Variants in HAPLN3 observed in about 807,000 individuals in gnomAD.
HAPLN3 encodes hyaluronan and proteoglycan link protein 3.
In HAPLN3, 28 loss-of-function variants were observed where a neutral mutation model predicts 28.1. The observed-to-expected ratio is 1.00, with a 90% confidence interval of 0.74 to 1.37. HAPLN3 has a LOEUF of 1.37. Ranked by LOEUF, HAPLN3 falls within the 40% of genes most tolerant of loss-of-function variation. HAPLN3 has a pLI of 0.00. For missense variants in HAPLN3, 513 were observed against 504.6 expected (o/e 1.02, Z -0.16); for synonymous variants, 211 against 213.1 (o/e 0.99, Z 0.09).
Position 88,887,177 on chromosome 15 carries a change from T to G in HAPLN3, c.122A>C (p.Lys41Thr). The change falls in exon 2 of 5, where the codon AAA (lysine) becomes ACA (threonine). Residue 41 changes from lysine (K) to threonine (T), a missense_variant and splice_region_variant. By Grantham distance (78) the Lys-to-Thr change is moderately conservative (BLOSUM62 -1). Coordinates refer to ENST00000359595, the MANE Select transcript of HAPLN3 (RefSeq NM_178232.4). The part of the protein sequence containing the change: ...NDQNLGNGHG[K>T]DLLNGVKLVV... The stretch of plus-strand genomic sequence containing the variant: ...GCCGGGTGCAGGAGGTCGCCTACCT[T>G]TGCCATGACCGTTGCCTAGGTTCTG... The G allele has an allele frequency of 6.2e-7, 1 of 1,614,086 alleles. No homozygotes were observed. Among genetic ancestry groups the G allele is most frequent in the African/African-American group, 1.3e-5 (1 of 75,022 alleles).
At position 88,880,339 on chromosome 15, in the gene HAPLN3, G is replaced by T. The variant is rs1222718595; in HGVS notation, c.493+1018C>A. On this transcript the variant is annotated intron_variant, in intron 3 of 4. Transcript: ENST00000359595. This position sits in a 1 kb window ranked among gnomAD's most constrained non-coding sequence, Gnocchi z 6.0. ...AGAATGAGGAATGCGGCCCCTCTGA[G>T]CCACCATGTAAGCCATGTGGACACT... 9.2e-7 allele frequency: 1 copy of T among 1,086,606 alleles called. No individual in the cohort carries two copies. Among genetic ancestry groups the T allele is most frequent in the African/African-American group, 1.7e-5 (1 of 59,130 alleles). The allele number at this position is 1,086,606 out of a possible 1,614,324, so 67.3% of individuals were successfully genotyped here.
rs115633026 is a variant in HAPLN3 at position 88,892,192 on chromosome 15, T to C, written c.-48+3267A>G. Among the ~76,000 whole-genome samples the C allele has an allele frequency of 8.4e-3, 1,281 of 152,246 alleles. 16 individuals are homozygous for C. Among genetic ancestry groups the C allele is most frequent in the African/African-American group, 0.028 (1,163 of 41,530 alleles). On this transcript the variant is annotated intron_variant, in intron 1 of 4. Transcript: ENST00000359595. The stretch of plus-strand genomic sequence containing the variant: ...AAAGGAATTAGCTGGGCACAGTGGC[T>C]TACACCTGTTATCCCAGCACTTTGG...
chr15:88,894,330 G>A (rs1402458521), intron 1 of HAPLN3, among the ~76,000 whole-genome samples: 1 of 152,110 alleles, frequency 6.6e-6, no homozygotes, highest in East Asian at 1.9e-4. Flanking sequence ...CCAGCCTAGG[G>A]ACCCCTCCAC....
In HAPLN3 at chr15:88,888,087, G is replaced by A. The variant is rs72749908; in HGVS notation, c.-47-742C>T. 0.093 allele frequency among the ~76,000 whole-genome samples: 14,140 copies of A among 151,322 alleles called. 837 individuals are homozygous for A. The highest frequency in any genetic ancestry group is 0.19 in the Middle Eastern group (55 of 294). On this transcript the variant is annotated intron_variant, in intron 1 of 4. Transcript: ENST00000359595. This position sits in a 1 kb window ranked among gnomAD's most constrained non-coding sequence, Gnocchi z 4.1. ...TAGAGGGTATGTTAAGTAAAGATGA[G>A]TCCTGCATTGTGAACCCTTTTTTTT...
Position 88,881,446 on chromosome 15 carries a change from T to A in HAPLN3, c.404A>T (p.Asp135Val), listed in dbSNP as rs535199277. The A allele has an allele frequency of 3.1e-6, 5 of 1,614,052 alleles. No individual in the cohort carries two copies. The South Asian group carries it at 4.4e-5, about 14-fold the overall frequency. ...KEHDVSLEIQ[D>V]LRLEDYGRYR... ...ACGCCCATAGTCCTCCAGCCGCAGA[T>A]CCTGGATCTCCAGCGAGACGTCATG... The change falls in exon 3 of 5, where the codon GAT becomes GTT. Residue 135 changes from aspartate to valine, a missense_variant. Transcript: ENST00000359595. The surrounding 1 kb of genome is among the most constrained non-coding windows in gnomAD (Gnocchi z 6.0).
intron 1 of HAPLN3, among the ~76,000 whole-genome samples, chr15:88,894,275 A>C (rs1898096157): frequency 6.6e-6 from 1 of 152,200 alleles, no homozygotes; most frequent in Admixed American, 6.5e-5. Flanking sequence ...ACTTAGAGAA[A>C]GTTCAGGTTT....
Position 88,879,252 on chromosome 15 carries a change from G to A in HAPLN3, c.511C>T (p.Gln171Ter), listed in dbSNP as rs768961398. ...LELRGVVFPY[Q>*]SPNGRYQFNF... Reference sequence around the variant, plus strand: ...AACTGGTAGCGCCCGTTGGGGGACTGGTAAGGAAAGACCACACCTGCAGGG... The same window carrying A: ...AACTGGTAGCGCCCGTTGGGGGACTAGTAAGGAAAGACCACACCTGCAGGG... The change falls in exon 4 of 5, where the codon CAG becomes TAG. Residue 171 changes from glutamine (Q) to a stop codon, truncating the protein, a stop_gained. Transcript: ENST00000359595. LOFTEE classifies it high-confidence loss of function. The surrounding 1 kb of genome is among the most constrained non-coding windows in gnomAD (Gnocchi z 5.0). The A allele has an allele frequency of 1.9e-6, 3 of 1,607,490 alleles. No individual in the cohort carries two copies. The highest frequency in any genetic ancestry group is 1.1e-5 in the South Asian group (1 of 90,314).
intron 1 of HAPLN3, among the ~76,000 whole-genome samples, chr15:88,894,288 T>C (rs558531208): frequency 6.6e-6 from 1 of 152,334 alleles, no homozygotes; most frequent in East Asian, 1.9e-4. Flanking sequence ...TCAGGTTTCC[T>C]GATGACCAGC....
chr15:88,879,587 A>G lies in HAPLN3; in HGVS notation c.494-318T>C. 7.5e-7 allele frequency: 1 copy of G among 1,338,848 alleles called. No homozygotes were observed. Among genetic ancestry groups the G allele is most frequent in the Non-Finnish European group, 9.8e-7 (1 of 1,021,532 alleles). The allele number at this position is 1,338,848 out of a possible 1,614,324, so 82.9% of individuals were successfully genotyped here. A position where few individuals can be genotyped will look rare whatever the true frequency, so the allele number is the denominator to read the frequency against. On this transcript the variant is annotated intron_variant, in intron 3 of 4. Transcript: ENST00000359595. This position sits in a 1 kb window ranked among gnomAD's most constrained non-coding sequence, Gnocchi z 5.0. ...CCAGTGAGGCTGTGCCATCTTCTCC[A>G]GACAGGCCCGGGCTTTGGGCTCTAG...
rs544070539 is a variant in HAPLN3 at position 88,882,825 on chromosome 15, G to A, written c.125-1100C>T. Among the ~76,000 whole-genome samples the A allele has an allele frequency of 3.3e-5, 5 of 152,222 alleles. No homozygotes were observed. The South Asian group carries it at 1.0e-3, about 32-fold the overall frequency. ...TTGAGACCAGCCTGGGCAATAAAGT[G>A]AGACCCTGTCTCTACAAAAAAATTT... On this transcript the variant is annotated intron_variant, in intron 2 of 4. Transcript: ENST00000359595.
In HAPLN3 at chr15:88,881,839, C is replaced by T; in HGVS notation, c.125-114G>A. 1 of 986,178 alleles carries T rather than the reference C, an allele frequency of 1.0e-6. No homozygotes were observed. The highest frequency in any genetic ancestry group is 1.6e-5 in the South Asian group (1 of 61,224). 61.1% of individuals were successfully genotyped at this position (986,178 alleles called of 1,614,324 possible). A position where few individuals can be genotyped will look rare whatever the true frequency, so the allele number is the denominator to read the frequency against. On this transcript the variant is annotated intron_variant, in intron 2 of 4. Transcript: ENST00000359595. The surrounding 1 kb of genome is among the most constrained non-coding windows in gnomAD (Gnocchi z 6.0). ...TACAGGCTCAGATTGCAAAAATGGC[C>T]ACCATGCTCCACCCCTCCCTGTATC... is the stretch of plus-strand genomic sequence containing the variant.
At chr15:88,890,687 T>G (rs1242837161) in intron 1 of HAPLN3, among the ~76,000 whole-genome samples, 1 of 152,106 alleles carries the variant, frequency 6.6e-6, no homozygotes, top group Admixed American at 6.6e-5. Flanking sequence ...GTCTGGCAGT[T>G]AAAACAATTA....
intron 2 of HAPLN3, among the ~76,000 whole-genome samples, chr15:88,883,560 CCAA>C (rs1189951831): frequency 2.6e-5 from 4 of 152,170 alleles, no homozygotes; most frequent in African/African-American, 9.7e-5. Flanking sequence ...TTGGTTCTTC[CCAA>C]CTCTCTTAAG....
chr15:88,890,317 C>T (rs1012988893), intron 1 of HAPLN3, among the ~76,000 whole-genome samples: 5 of 152,180 alleles, frequency 3.3e-5, no homozygotes, highest in African/African-American at 9.6e-5. Context: ...AAGAGGAATT[C>T]ATTCCCCTGT....
chr15:88,880,978 C>T lies in HAPLN3; in HGVS notation c.493+379G>A, dbSNP rs1482507419. 6.6e-6 allele frequency among the ~76,000 whole-genome samples: 1 copy of T among 152,110 alleles called. No homozygotes were observed. Among genetic ancestry groups the T allele is most frequent in the Non-Finnish European group, 1.5e-5 (1 of 68,026 alleles). ...TCGTCTCACAGTGGGCTGCCTCATT[C>T]GCTTGTGTTACCCGCTAACCTTGCT... On this transcript the variant is annotated intron_variant, in intron 3 of 4. Transcript: ENST00000359595. The surrounding 1 kb of genome is among the most constrained non-coding windows in gnomAD (Gnocchi z 6.0).
At chr15:88,890,305 C>G (rs1897978392) in intron 1 of HAPLN3, among the ~76,000 whole-genome samples, 1 of 152,182 alleles carries the variant, frequency 6.6e-6, no homozygotes, top group African/African-American at 2.4e-5. Context: ...CACTTCTTGT[C>G]CAAGAGGAAT....
At chr15:88,878,607 T>C (rs1836254998) in intron 4 of HAPLN3, among the ~76,000 whole-genome samples, 1 of 152,226 alleles carries the variant, frequency 6.6e-6, no homozygotes, top group African/African-American at 2.4e-5. Context: ...CATATGACAC[T>C]GAACCAGTTT....
intron 2 of HAPLN3, among the ~76,000 whole-genome samples, chr15:88,882,080 G>A (rs1246544708): frequency 6.6e-6 from 1 of 152,162 alleles, no homozygotes; most frequent in African/African-American, 2.4e-5. Context: ...ATGAGCACAT[G>A]GCCAGGCTTG....
chr15:88,877,997 G>T lies in HAPLN3; in HGVS notation c.1056C>A (p.Tyr352Ter). The T allele has an allele frequency of 6.2e-7, 1 of 1,612,710 alleles. No homozygotes were observed. Among genetic ancestry groups the T allele is most frequent in the Non-Finnish European group, 8.5e-7 (1 of 1,179,356 alleles). The change falls in exon 5 of 5, where the codon TAC (tyrosine) becomes TAA (stop). Residue 352 changes from tyrosine to a stop codon, truncating the protein, a stop_gained. Coordinates refer to ENST00000359595, the MANE Select transcript of HAPLN3 (RefSeq NM_178232.4). LOFTEE classifies it high-confidence loss of function. This position sits in a 1 kb window ranked among gnomAD's most constrained non-coding sequence, Gnocchi z 5.1. ...AGTGCTGGCGGTAGCAGTAAACACCGTACAAGCGGCTCTGCGGGTCGGGGA... is the reference window on the plus strand; with the variant it reads ...AGTGCTGGCGGTAGCAGTAAACACCTTACAAGCGGCTCTGCGGGTCGGGGA... ...FGFPDPQSRL[Y>*]GVYCYRQH
Sources: gnomAD v4.1 joint callset for allele counts (sites outside exome capture counted in the v4.1 genomes callset) on GRCh38, gnomAD v4.1.1 for gene constraint, Gnocchi (gnomAD v3.1) non-coding constraint, MANE v1.5 for transcripts, NCBI Gene and HGNC (gene_info 2026-07-23, HGNC 2026-07-21) for gene names.